AP1G1: variants seen among roughly 807,000 people sequenced by gnomAD.
AP1G1 encodes adaptor related protein complex 1 subunit gamma 1.
Under a neutral mutation model 108.3 loss-of-function variants are expected in AP1G1, and 7 were observed. That is an observed-to-expected ratio of 0.06 (90% CI 0.04 to 0.12). AP1G1 has a LOEUF of 0.12. AP1G1 is among the 10% of genes least tolerant of loss of function. The pLI, the probability that AP1G1 is intolerant of heterozygous loss-of-function variation, is 1.00. For missense variants in AP1G1, 756 were observed against 1,010.7 expected, an observed-to-expected ratio of 0.75 and a Z score of 3.42; for synonymous variants, 379 against 353.5, an observed-to-expected ratio of 1.07 and a Z score of -0.81.
At chr16:71,767,314 A>C (rs2031356419) in intron 6 of AP1G1, among the ~76,000 whole-genome samples, 1 of 152,216 alleles carries the variant, frequency 6.6e-6, no homozygotes, top group Non-Finnish European at 1.5e-5. Context: ...AAATAAGATG[A>C]CACAGGGAAA....
intron 2 of AP1G1, among the ~76,000 whole-genome samples, chr16:71,783,159 G>C (rs2032085809): frequency 6.6e-6 from 1 of 152,090 alleles, no homozygotes; most frequent in South Asian, 2.1e-4. Context: ...TTACTGTAGA[G>C]CATTTGTTTA....
Position 71,745,459 on chromosome 16 carries a change from G to GA in AP1G1, c.1872+13dup, listed in dbSNP as rs754029048. On this transcript the variant is annotated intron_variant, in intron 18 of 22. Transcript: ENST00000299980. ...CGTAAGAAGCCCCAGATGAGCAAGT[G>GA]AAAGGCTGGCTACCTGGCTGGTGGG... 1.1e-5 allele frequency: 18 copies of GA among 1,614,004 alleles called. No individual in the cohort carries two copies. The highest frequency in any genetic ancestry group is 1.5e-5 in the Non-Finnish European group (18 of 1,180,038).
chr16:71,730,460 C>G lies in AP1G1; in HGVS notation c.*2598G>C, dbSNP rs151251378. ...TGGAAAATGCTCTTTCCTCACAATG[C>G]CTGTGAAGTCGTAAATCCATCCAAA... On this transcript the variant is annotated 3_prime_UTR_variant, in exon 23 of 23. Coordinates refer to ENST00000299980, the MANE Select transcript of AP1G1 (RefSeq NM_001128.6). 196 of 152,508 alleles carry G rather than the reference C, an allele frequency of 1.3e-3. 1 individual carries two copies. Among genetic ancestry groups the G allele is most frequent in the African/African-American group, 4.4e-3 (181 of 41,540 alleles). 9.4% of individuals were successfully genotyped at this position (152,508 alleles called of 1,614,324 possible).
intron 11 of AP1G1, among the ~76,000 whole-genome samples, chr16:71,756,523 A>G (rs1373081500): frequency 6.6e-6 from 1 of 152,198 alleles, no homozygotes; most frequent in East Asian, 1.9e-4. Context: ...AATAATACCT[A>G]TCTGCCTCAT....
intron 14 of AP1G1, 84 bp downstream of exon 14, chr16:71,750,126 G>T: frequency 6.5e-7 from 1 of 1,542,460 alleles, no homozygotes; most frequent in Non-Finnish European, 8.9e-7. Context: ...AGGGGAGAGA[G>T]GAGGGGGGAA....
chr16:71,745,659 T>A (rs754527111), intron 17 of AP1G1, 45 bp from the exon 18 acceptor site: 2 of 1,528,086 alleles, frequency 1.3e-6, no homozygotes, highest in South Asian at 2.2e-5. Flanking sequence ...TTAACCTAGA[T>A]TCCCTACCCA....
intron 13 of AP1G1, 56 bp from the exon 14 acceptor site, chr16:71,750,388 G>A (rs2030420116): frequency 2.5e-6 from 4 of 1,591,414 alleles, no homozygotes; most frequent in Non-Finnish European, 3.4e-6. Context: ...ATGATAACAA[G>A]TGTTAGCTAT....
intron 2 of AP1G1, among the ~76,000 whole-genome samples, chr16:71,781,666 A>T (rs552056453): frequency 6.6e-6 from 1 of 152,352 alleles, no homozygotes; most frequent in Non-Finnish European, 1.5e-5. Context: ...CAAGACAAGA[A>T]GATCTAATTC....
chr16:71,807,417 G>A (rs941498023), intron 1 of AP1G1, among the ~76,000 whole-genome samples: 3 of 152,156 alleles, frequency 2.0e-5, no homozygotes, highest in Non-Finnish European at 4.4e-5. Flanking sequence ...GGAGACAGAG[G>A]GAGACTTCGT....
Position 71,773,375 on chromosome 16 carries a change from A to T in AP1G1, c.327-13T>A. 6.7e-7 allele frequency: 1 copy of T among 1,487,376 alleles called. No individual in the cohort carries two copies. Among genetic ancestry groups the T allele is most frequent in the Non-Finnish European group, 8.9e-7 (1 of 1,123,036 alleles). The allele number at this position is 1,487,376 out of a possible 1,614,324, so 92.1% of individuals were successfully genotyped here. ...ATGATTAAGATCACTGCAAAAGAAAAGAGGAAGGTAGGAACAAGCCTGGTG... is the reference window on the plus strand; with the variant it reads ...ATGATTAAGATCACTGCAAAAGAAATGAGGAAGGTAGGAACAAGCCTGGTG... On this transcript the variant is annotated splice_polypyrimidine_tract_variant and intron_variant, in intron 3 of 22. Transcript: ENST00000299980.
chr16:71,739,863 A>G (rs1310260590), intron 19 of AP1G1, among the ~76,000 whole-genome samples: 1 of 152,208 alleles, frequency 6.6e-6, no homozygotes, highest in East Asian at 1.9e-4. Context: ...CCAATAAGAA[A>G]CAGATAACCC....
Position 71,762,911 on chromosome 16 carries a change from C to G in AP1G1, c.919-1344G>C, listed in dbSNP as rs146590996. The stretch of plus-strand genomic sequence containing the variant: ...TTGGGAGTGGCATCTGAAGTTGGGG[C>G]GGCGGGGGGTCAGTCTTCTGGGACT... On this transcript the variant is annotated intron_variant, in intron 9 of 22. Transcript: ENST00000299980. 7.0e-3 allele frequency among the ~76,000 whole-genome samples: 1,058 copies of G among 152,220 alleles called. 24 individuals carry two copies. Among genetic ancestry groups the G allele is most frequent in the African/African-American group, 0.024 (1,005 of 41,502 alleles).
chr16:71,800,084 G>A (rs1331849196), intron 1 of AP1G1, among the ~76,000 whole-genome samples: 1 of 150,712 alleles, frequency 6.6e-6, no homozygotes, highest in Non-Finnish European at 1.5e-5. Context: ...GAATTATATT[G>A]CCGGGCACGG....
rs758543148 is a variant in AP1G1, at chr16:71,741,686, G to A, written c.2000-2345C>T. Among the ~76,000 whole-genome samples the A allele has an allele frequency of 1.2e-4, 18 of 152,322 alleles. No homozygotes were observed. In the East Asian group the frequency reaches 3.1e-3, roughly 26 times the overall value. ...GCTAAAATAAATGCAAACACCATTT[G>A]TGCAGTCCAGCAGATTATCAATGAA... On this transcript the variant is annotated intron_variant, in intron 19 of 22. Transcript: ENST00000299980.
chr16:71,798,933 G>A (rs1486731802), intron 1 of AP1G1, among the ~76,000 whole-genome samples: 1 of 151,140 alleles, frequency 6.6e-6, no homozygotes, highest in Admixed American at 6.6e-5. Flanking sequence ...AAAAATACAC[G>A]TGCCATATAA....
At chr16:71,740,988 T>C (rs1442121429) in intron 19 of AP1G1, among the ~76,000 whole-genome samples, 1 of 152,124 alleles carries the variant, frequency 6.6e-6, no homozygotes, top group Non-Finnish European at 1.5e-5. Flanking sequence ...GAAAAAGAAA[T>C]AGATTACCAT....
chr16:71,800,888 G>A lies in AP1G1; in HGVS notation c.-4+7875C>T, dbSNP rs544088985. On this transcript the variant is annotated intron_variant, in intron 1 of 22. Coordinates refer to ENST00000299980, the MANE Select transcript of AP1G1 (RefSeq NM_001128.6). ...CACATGTCTGTAATCCCAACTACTCGGGAGGCTGAGGCAGGAGAATCACTT... is the reference window on the plus strand; with the variant it reads ...CACATGTCTGTAATCCCAACTACTCAGGAGGCTGAGGCAGGAGAATCACTT... Among the ~76,000 whole-genome samples, 7 of 152,202 alleles carry A rather than the reference G, an allele frequency of 4.6e-5. No individual in the cohort carries two copies. In the South Asian group the frequency reaches 6.2e-4, roughly 14 times the overall value.
chr16:71,775,666 AAAAG>A (rs1302899787), intron 2 of AP1G1, among the ~76,000 whole-genome samples: 1 of 152,228 alleles, frequency 6.6e-6, no homozygotes, highest in Non-Finnish European at 1.5e-5. Flanking sequence ...AATTAATTTA[AAAAG>A]AGAGAGGCAA....
chr16:71,808,420 G>A (rs1157282878), intron 1 of AP1G1: 6 of 1,135,124 alleles, frequency 5.3e-6, no homozygotes, highest in Non-Finnish European at 6.7e-6. Flanking sequence ...CGGGGGTGGG[G>A]CCCGCCCCGC....
Sources: gnomAD v4.1 joint callset for allele counts (sites outside exome capture counted in the v4.1 genomes callset) on GRCh38, gnomAD v4.1.1 for gene constraint, MANE v1.5 for transcripts, NCBI Gene and HGNC (gene_info 2026-07-23, HGNC 2026-07-21) for gene names.